MEI4: variants seen among roughly 807,000 people sequenced by gnomAD.
MEI4 encodes meiosis-specific protein MEI4.
MEI4 carries 27 observed loss-of-function variants against 31.4 expected under a neutral mutation model. That is an observed-to-expected ratio of 0.86 (90% CI 0.63 to 1.19). The LOEUF (loss-of-function observed/expected upper bound fraction) is 1.19, where lower values mean the gene tolerates loss of function less well. Ranked by LOEUF, MEI4 falls within the 50% of genes most tolerant of loss-of-function variation. The pLI is 0.00. For synonymous variants in MEI4, 122 were observed against 145.4 expected (o/e 0.84, Z 1.16); for missense variants, 329 against 398.9 (o/e 0.82, Z 1.49).
intron 3 of MEI4, among the ~76,000 whole-genome samples, chr6:77,775,173 G>A (rs918773017): frequency 6.6e-6 from 1 of 152,112 alleles, no homozygotes; most frequent in Non-Finnish European, 1.5e-5. Flanking sequence ...AATCATCTCT[G>A]CAAAGACCGT....
intron 3 of MEI4, among the ~76,000 whole-genome samples, chr6:77,786,876 G>A (rs1768750365): frequency 6.6e-6 from 1 of 152,098 alleles, no homozygotes; most frequent in African/African-American, 2.4e-5. Context: ...AACAAAGGAA[G>A]TAAAATAATT....
chr6:77,839,862 T>C (rs1770315406), intron 4 of MEI4, among the ~76,000 whole-genome samples: 1 of 152,170 alleles, frequency 6.6e-6, no homozygotes, highest in African/African-American at 2.4e-5. Flanking sequence ...ATTTCTAGGA[T>C]ACAATCTAAA....
At chr6:77,745,059 A>G (rs1423359430) in intron 2 of MEI4, among the ~76,000 whole-genome samples, 1 of 152,224 alleles carries the variant, frequency 6.6e-6, no homozygotes, top group Non-Finnish European at 1.5e-5. Flanking sequence ...AAACTGCATC[A>G]ACTGAGAAGC....
At chr6:77,867,434 G>A (rs1346401594) in intron 4 of MEI4, among the ~76,000 whole-genome samples, 1 of 152,156 alleles carries the variant, frequency 6.6e-6, no homozygotes, top group Admixed American at 6.5e-5. Context: ...CTCAAAAGAA[G>A]ACATTTATGT....
At chr6:77,745,715 G>GGT in intron 2 of MEI4, among the ~76,000 whole-genome samples, 1 of 151,850 alleles carries the variant, frequency 6.6e-6, no homozygotes, top group South Asian at 2.1e-4. Context: ...ACCACATACT[G>GGT]GGAAGTAAAG....
chr6:77,662,095 A>G (rs1166140468), intron 1 of MEI4, among the ~76,000 whole-genome samples: 1 of 152,210 alleles, frequency 6.6e-6, no homozygotes, highest in South Asian at 2.1e-4. Flanking sequence ...GATGGTGCAG[A>G]ATATGAAAGG....
chr6:77,856,350 A>G (rs1481531564), intron 4 of MEI4, among the ~76,000 whole-genome samples: 2 of 152,030 alleles, frequency 1.3e-5, no homozygotes, highest in Non-Finnish European at 2.9e-5. Flanking sequence ...CCCTTCCTTC[A>G]GACTAAACTC....
chr6:77,684,784 T>G (rs899844808), intron 1 of MEI4, among the ~76,000 whole-genome samples: 1 of 152,194 alleles, frequency 6.6e-6, no homozygotes, highest in Non-Finnish European at 1.5e-5. Flanking sequence ...TTTCCAAATC[T>G]TAGTTATTGT....
At chr6:77,904,834 C>T (rs997635437) in intron 4 of MEI4, among the ~76,000 whole-genome samples, 13 of 152,064 alleles carry the variant, frequency 8.5e-5, no homozygotes, top group African/African-American at 3.1e-4. Context: ...TCACAATTTG[C>T]ATCTTTTTAT....
chr6:77,810,853 T>C lies in MEI4; in HGVS notation c.769-18078T>C, dbSNP rs1769560618. Among the ~76,000 whole-genome samples, 5 of 152,284 alleles carry C rather than the reference T, an allele frequency of 3.3e-5. No homozygotes were observed. The South Asian group carries it at 1.0e-3, about 32-fold the overall frequency. On this transcript the variant is annotated intron_variant, in intron 3 of 4. Transcript: ENST00000684080. Reference sequence around the variant, plus strand: ...TGTTATAAATGATTCTGTTTTATCTTGTGGAATCCATGGTCTGTCTCCAAA... The same window carrying C: ...TGTTATAAATGATTCTGTTTTATCTCGTGGAATCCATGGTCTGTCTCCAAA...
chr6:77,687,587 G>T (rs899281767), intron 1 of MEI4, among the ~76,000 whole-genome samples: 1 of 152,034 alleles, frequency 6.6e-6, no homozygotes, highest in Non-Finnish European at 1.5e-5. Flanking sequence ...GGGCCCGTAG[G>T]TTACTTGCAC....
intron 3 of MEI4, among the ~76,000 whole-genome samples, chr6:77,801,119 T>C (rs971086501): frequency 2.0e-5 from 3 of 152,224 alleles, no homozygotes; most frequent in African/African-American, 7.2e-5. Flanking sequence ...ATCCATGTGG[T>C]CCTGGACTTT....
intron 3 of MEI4, among the ~76,000 whole-genome samples, chr6:77,772,484 G>A (rs1768342035): frequency 6.6e-6 from 1 of 151,870 alleles, no homozygotes; most frequent in African/African-American, 2.4e-5. Flanking sequence ...ATTTCAATTG[G>A]TGTGGAAAAA....
intron 4 of MEI4, among the ~76,000 whole-genome samples, chr6:77,887,443 T>G (rs532497490): frequency 6.6e-6 from 1 of 151,804 alleles, no homozygotes; most frequent in Non-Finnish European, 1.5e-5. Context: ...ATTACAGGCA[T>G]CGCCCACCAC....
chr6:77,789,588 GGTGAA>G (rs1168940020), intron 3 of MEI4, among the ~76,000 whole-genome samples: 1 of 152,120 alleles, frequency 6.6e-6, no homozygotes, highest in Non-Finnish European at 1.5e-5. Context: ...TCAAAAAGTG[GGTGAA>G]GGACATGAAC....
At chr6:77,742,553 T>G (rs1447201413) in intron 2 of MEI4, among the ~76,000 whole-genome samples, 1 of 152,202 alleles carries the variant, frequency 6.6e-6, no homozygotes, top group East Asian at 1.9e-4. Flanking sequence ...TGCGAAAATT[T>G]TCTCCCATTT....
intron 2 of MEI4, among the ~76,000 whole-genome samples, chr6:77,750,615 T>A (rs1298923186): frequency 6.6e-6 from 1 of 152,154 alleles, no homozygotes; most frequent in Non-Finnish European, 1.5e-5. Flanking sequence ...CCCAGAGTCA[T>A]AAAGCAAGTT....
intron 2 of MEI4, among the ~76,000 whole-genome samples, chr6:77,700,484 G>A (rs572134328): frequency 6.6e-6 from 1 of 152,192 alleles, no homozygotes; most frequent in Non-Finnish European, 1.5e-5. Context: ...TTTTCCAGGT[G>A]CTGTCTATTA....
intron 4 of MEI4, among the ~76,000 whole-genome samples, chr6:77,907,038 T>A (rs1039906007): frequency 6.6e-6 from 1 of 151,458 alleles, no homozygotes; most frequent in Non-Finnish European, 1.5e-5. Flanking sequence ...CTTGGCTATT[T>A]TTTTTTTTAA....
Sources: allele counts gnomAD v4.1 joint callset (sites outside exome capture counted in the v4.1 genomes callset), GRCh38; gene constraint gnomAD v4.1.1; transcripts MANE v1.5; gene names NCBI Gene and HGNC (gene_info 2026-07-23, HGNC 2026-07-21).